The following ADAMTS16 variants were observed in gnomAD, a reference collection of about 807,000 sequenced individuals.
The protein encoded by ADAMTS16 is A disintegrin and metalloproteinase with thrombospondin motifs 16.
ADAMTS16 carries 94 observed loss-of-function variants against 145.8 expected under a neutral mutation model. The observed-to-expected ratio is 0.64, with a 90% CI of 0.55 to 0.77. ADAMTS16 has a LOEUF of 0.77. ADAMTS16 is among the 30% of genes least tolerant of loss of function. ADAMTS16 has a pLI of 0.00. For missense variants in ADAMTS16, 1,585 were observed against 1,591.5 expected (o/e 1.00, Z 0.07); for synonymous variants, 659 against 604.3 (o/e 1.09, Z -1.33).
chr5:5,209,388 G>A (rs577577716), intron 10 of ADAMTS16, 142 bp downstream of exon 10: 357 of 981,644 alleles, frequency 3.6e-4, no homozygotes, highest in Non-Finnish European at 4.6e-4. Context: ...CCTGTATAAC[G>A]GGAAACACAT....
At chr5:5,175,660 G>T (rs1480252962) in intron 3 of ADAMTS16, among the ~76,000 whole-genome samples, 1 of 152,178 alleles carries the variant, frequency 6.6e-6, no homozygotes, top group Non-Finnish European at 1.5e-5. Flanking sequence ...CAGTGGCAAG[G>T]CTTACTGGAT....
rs568220683 is a variant in ADAMTS16 at position 5,200,273 on chromosome 5, G to A, written c.1451+4G>A. The A allele has an allele frequency of 6.2e-7, 1 of 1,613,864 alleles. No individual in the cohort carries two copies. Among genetic ancestry groups the A allele is most frequent in the Non-Finnish European group, 8.5e-7 (1 of 1,179,868 alleles). ...AGTATCTACACAAATTTCTAAGGTA[G>A]GAACTCTTTAAGCTGGTCTTGTGAT... On this transcript the variant is annotated splice_donor_region_variant and intron_variant, in intron 9 of 22. Transcript: ENST00000274181.
At chr5:5,179,412 A>G (rs1735279821) in intron 3 of ADAMTS16, among the ~76,000 whole-genome samples, 1 of 151,918 alleles carries the variant, frequency 6.6e-6, no homozygotes, top group African/African-American at 2.4e-5. Context: ...CCATGCATGA[A>G]TTTTTCTTCT....
chr5:5,141,571 A>G (rs1270393633), intron 2 of ADAMTS16, among the ~76,000 whole-genome samples: 1 of 152,228 alleles, frequency 6.6e-6, no homozygotes, highest in Admixed American at 6.5e-5. Context: ...ATTATTTTGC[A>G]TTGTTACCAA....
chr5:5,305,425 CACAACCCACACCACACACACACA>C (rs1740084868), intron 20 of ADAMTS16, among the ~76,000 whole-genome samples: 1 of 102,424 alleles, frequency 9.8e-6, no homozygotes. Flanking sequence ...ACACCACACA[CACAACCCACACCACACACACACA>C]TCCACACCAC....
chr5:5,178,563 T>A (rs1487472124), intron 3 of ADAMTS16, among the ~76,000 whole-genome samples: 3 of 152,260 alleles, frequency 2.0e-5, no homozygotes, highest in Non-Finnish European at 4.4e-5. Flanking sequence ...TATCAAAATA[T>A]CAGTCTTATC....
At chr5:5,234,008 T>C (rs1737018172) in intron 12 of ADAMTS16, among the ~76,000 whole-genome samples, 1 of 152,224 alleles carries the variant, frequency 6.6e-6, no homozygotes, top group Non-Finnish European at 1.5e-5. Flanking sequence ...GCACCTGTTA[T>C]CTTTTAGCAT....
At chr5:5,255,283 C>A (rs947407227) in intron 17 of ADAMTS16, among the ~76,000 whole-genome samples, 5 of 152,006 alleles carry the variant, frequency 3.3e-5, no homozygotes, top group African/African-American at 1.2e-4. Context: ...AAATAGAAAC[C>A]TTTCTAGGTA....
intron 3 of ADAMTS16, among the ~76,000 whole-genome samples, chr5:5,167,473 C>T (rs571200471): frequency 2.6e-5 from 4 of 152,168 alleles, no homozygotes; most frequent in Admixed American, 6.5e-5. Context: ...TACAGGATCT[C>T]AGAATCTTAA....
chr5:5,310,218 C>G lies in ADAMTS16; in HGVS notation c.3411+3490C>G, dbSNP rs2126529063. ...ACCAGCTCTCCCCAAGCCTGTGTCT[C>G]TCCTCTCATGTCCACCATCCTCCAG... On this transcript the variant is annotated intron_variant, in intron 21 of 22. Coordinates refer to ENST00000274181, the MANE Select transcript of ADAMTS16 (RefSeq NM_139056.4). This position sits in a 1 kb window ranked among gnomAD's most constrained non-coding sequence, Gnocchi z 4.3. Among the ~76,000 whole-genome samples, 1 of 152,216 alleles carries G rather than the reference C, an allele frequency of 6.6e-6. No individual in the cohort carries two copies. The highest frequency in any genetic ancestry group is 1.5e-5 in the Non-Finnish European group (1 of 68,028).
intron 11 of ADAMTS16, among the ~76,000 whole-genome samples, chr5:5,228,522 A>G (rs918378440): frequency 6.6e-6 from 1 of 152,154 alleles, no homozygotes; most frequent in Non-Finnish European, 1.5e-5. Context: ...ATTTTTAAAG[A>G]TACACTCACA....
intron 18 of ADAMTS16, among the ~76,000 whole-genome samples, chr5:5,278,340 A>G (rs1226142248): frequency 6.6e-6 from 1 of 152,204 alleles, no homozygotes; most frequent in African/African-American, 2.4e-5. Context: ...TATCCATTGC[A>G]GGTGAGGACT....
At chr5:5,147,044 G>A (rs983736967) in intron 3 of ADAMTS16, among the ~76,000 whole-genome samples, 1 of 152,204 alleles carries the variant, frequency 6.6e-6, no homozygotes, top group Non-Finnish European at 1.5e-5. Context: ...TCACTTCAAT[G>A]CTTCTGGTGC....
At chr5:5,267,181 C>T (rs73735777) in intron 18 of ADAMTS16, among the ~76,000 whole-genome samples, 15,541 of 152,086 alleles carry the variant, frequency 0.1, 906 homozygotes, top group African/African-American at 0.16. Context: ...TGTGGGGCTC[C>T]GACCCCACAG....
chr5:5,307,812 G>A (rs34417065), intron 21 of ADAMTS16, among the ~76,000 whole-genome samples: 29,276 of 152,104 alleles, frequency 0.19, 3,056 homozygotes, highest in South Asian at 0.3. Context: ...GGGTCCACAC[G>A]TGTCATTTGG....
chr5:5,174,207 T>A (rs192678963), intron 3 of ADAMTS16, among the ~76,000 whole-genome samples: 1 of 152,206 alleles, frequency 6.6e-6, no homozygotes, highest in Non-Finnish European at 1.5e-5. Context: ...TGAGGGATAT[T>A]TTCTCTGCAT....
intron 8 of ADAMTS16, among the ~76,000 whole-genome samples, chr5:5,196,812 C>A (rs1002952558): frequency 6.6e-6 from 1 of 152,192 alleles, no homozygotes; most frequent in Non-Finnish European, 1.5e-5. Flanking sequence ...GAAGGTTTTA[C>A]TATCCCATTT....
chr5:5,282,402 T>A (rs531203077), intron 18 of ADAMTS16, among the ~76,000 whole-genome samples: 1 of 152,358 alleles, frequency 6.6e-6, no homozygotes, highest in African/African-American at 2.4e-5. Flanking sequence ...GGTTCCCAGT[T>A]ATTCTTCCAA....
rs143113392 is a variant in ADAMTS16 at position 5,263,432 on chromosome 5, A to G, written c.2789+649A>G. On this transcript the variant is annotated intron_variant, in intron 18 of 22. Coordinates refer to ENST00000274181, the MANE Select transcript of ADAMTS16 (RefSeq NM_139056.4). ...TGGTCTTCATTTTCTTCATCTTTAC[A>G]TGGGACATGTCACAGAAGGTTGTGA... Among the ~76,000 whole-genome samples, 436 of 152,326 alleles carry G rather than the reference A, an allele frequency of 2.9e-3. 2 individuals are homozygous for G. Among genetic ancestry groups the G allele is most frequent in the African/African-American group, 9.9e-3 (411 of 41,572 alleles).
Sources: allele counts gnomAD v4.1 joint callset (sites outside exome capture counted in the v4.1 genomes callset), GRCh38; gene constraint gnomAD v4.1.1; non-coding constraint Gnocchi (gnomAD v3.1); transcripts MANE v1.5; gene names NCBI Gene and HGNC (gene_info 2026-07-23, HGNC 2026-07-21).